Variants in ZNF215 observed in about 807,000 individuals in gnomAD.
ZNF215 encodes BWSCR2-associated zinc finger protein 2.
Under a neutral mutation model 27.2 loss-of-function variants are expected in ZNF215, and 24 were observed. That is an observed-to-expected ratio of 0.88 (90% CI 0.64 to 1.24). The LOEUF (loss-of-function observed/expected upper bound fraction) is 1.24, where lower values mean the gene tolerates loss of function less well. Among genes scored for constraint, ZNF215 ranks in the 50% most tolerant of loss-of-function variants. The pLI, the probability that ZNF215 is intolerant of heterozygous loss-of-function variation, is 0.00. For missense variants in ZNF215, 675 were observed against 605.7 expected, an observed-to-expected ratio of 1.11 and a Z score of -1.20; for synonymous variants, 210 against 204.0, an observed-to-expected ratio of 1.03 and a Z score of -0.25.
At position 6,973,257 on chromosome 11, in the gene ZNF215, T is replaced by C. The variant is rs1461415892; in HGVS notation, c.806-10872T>C. On this transcript the variant is annotated intron_variant, in intron 5 of 5. Transcript: ENST00000529903. ...TTTTTTATGGCTGCATAGTATTCCATGGTGTATATGTGCCACATTTTCTTA... is the reference window on the plus strand; with the variant it reads ...TTTTTTATGGCTGCATAGTATTCCACGGTGTATATGTGCCACATTTTCTTA... 2.0e-5 allele frequency among the ~76,000 whole-genome samples: 3 copies of C among 152,206 alleles called. No homozygotes were observed. In the South Asian group the frequency reaches 6.2e-4, roughly 31 times the overall value.
chr11:6,936,233 A>G (rs796828981), intron 3 of ZNF215, among the ~76,000 whole-genome samples: 4 of 152,188 alleles, frequency 2.6e-5, no homozygotes, highest in African/African-American at 7.2e-5. Context: ...AAAGATCAGC[A>G]AAACTGACAA....
rs559248811 is a variant in ZNF215 at position 6,926,471 on chromosome 11, G to C, written c.-540G>C. The C allele has an allele frequency of 1.3e-4, 20 of 152,508 alleles. No individual in the cohort carries two copies. The highest frequency in any genetic ancestry group is 7.8e-4 in the Admixed American group (12 of 15,310). The allele number at this position is 152,508 out of a possible 1,614,324, so 9.4% of individuals were successfully genotyped here. ...AAGGCCTGGTCTACCTCACCGATCCGGGTCGCGGGGGCTCCTAGGGGGTTC... is the reference window on the plus strand; with the variant it reads ...AAGGCCTGGTCTACCTCACCGATCCCGGTCGCGGGGGCTCCTAGGGGGTTC... On this transcript the variant is annotated 5_prime_UTR_variant, in exon 1 of 7. Coordinates refer to ENST00000278319, the MANE Select transcript of ZNF215 (RefSeq NM_013250.4).
intron 2 of ZNF215, 49 bp from the exon 3 acceptor site, chr11:6,932,045 A>G (rs1564942668): frequency 2.1e-6 from 1 of 469,128 alleles, no homozygotes; most frequent in Non-Finnish European, 3.7e-6. Context: ...TTTTAACACT[A>G]TGCTAATAGA....
intron 6 of ZNF215, among the ~76,000 whole-genome samples, chr11:6,952,744 A>T (rs1293138871): frequency 1.3e-5 from 2 of 152,102 alleles, no homozygotes; most frequent in African/African-American, 4.8e-5. Flanking sequence ...ATGTAAAGTT[A>T]ATATTGTTAT....
chr11:6,979,608 A>G (rs560756563), intron 5 of ZNF215, among the ~76,000 whole-genome samples: 171 of 152,158 alleles, frequency 1.1e-3, no homozygotes, highest in African/African-American at 3.8e-3. Flanking sequence ...ATAACATCCA[A>G]GTAGAAGAAG....
chr11:6,937,780 A>C (rs1240875669), intron 3 of ZNF215, among the ~76,000 whole-genome samples: 1 of 151,884 alleles, frequency 6.6e-6, no homozygotes, highest in African/African-American at 2.4e-5. Flanking sequence ...TATTGCTGGG[A>C]CCCCTTGATT....
chr11:6,984,203 G>A lies in ZNF215; in HGVS notation c.880G>A (p.Val294Ile), dbSNP rs564729488. The change falls in exon 6 of 6, where the codon GTT becomes ATT. Residue 294 changes from valine to isoleucine, a missense_variant. Coordinates refer to the ZNF215 transcript ENST00000529903. ...GGCTCACTGCAACCTCCACCTCTGGGTTCAAGTGATTCTCCTGCCTCAGCC... is the reference window on the plus strand; with the variant it reads ...GGCTCACTGCAACCTCCACCTCTGGATTCAAGTGATTCTCCTGCCTCAGCC... 115 of 327,432 alleles carry A rather than the reference G, an allele frequency of 3.5e-4. 2 individuals carry two copies. Among genetic ancestry groups the A allele is most frequent in the South Asian group, 2.6e-3 (114 of 43,122 alleles). 20.3% of individuals were successfully genotyped at this position (327,432 alleles called of 1,614,324 possible).
chr11:6,927,901 C>G (rs747562360), intron 2 of ZNF215, 94 bp downstream of exon 2: 1 of 152,058 alleles, frequency 6.6e-6, no homozygotes, highest in Non-Finnish European at 1.5e-5. Flanking sequence ...TTTAATGCAT[C>G]TCATTCTTGT....
chr11:6,965,385 G>T (rs1014255883), intron 5 of ZNF215, among the ~76,000 whole-genome samples: 1 of 152,066 alleles, frequency 6.6e-6, no homozygotes, highest in African/African-American at 2.4e-5. Context: ...GTGCTACATG[G>T]ACATCAATTT....
chr11:6,927,070 C>T (rs920351947), intron 1 of ZNF215, among the ~76,000 whole-genome samples: 2 of 152,116 alleles, frequency 1.3e-5, no homozygotes, highest in Admixed American at 1.3e-4. Context: ...AGTCTCCAGA[C>T]GCGCAGAGTG....
At chr11:6,951,607 A>T (rs1202564374) in intron 6 of ZNF215, among the ~76,000 whole-genome samples, 1 of 152,146 alleles carries the variant, frequency 6.6e-6, no homozygotes, top group African/African-American at 2.4e-5. Flanking sequence ...TATTGAGTCT[A>T]TCAGAGTCTT....
intron 5 of ZNF215, among the ~76,000 whole-genome samples, chr11:6,973,513 C>A (rs79165844): frequency 0.092 from 14,070 of 152,128 alleles, 705 homozygotes; most frequent in East Asian, 0.15. Context: ...AGTCCCACCA[C>A]CAGTGTAAAA....
chr11:6,981,266 C>A (rs1205494725), intron 5 of ZNF215, among the ~76,000 whole-genome samples: 5 of 148,262 alleles, frequency 3.4e-5, no homozygotes, highest in African/African-American at 1.2e-4. Flanking sequence ...TCCTCTCCAG[C>A]ACCTGTTGTT....
At chr11:6,988,475 G>A (rs957815118), downstream of ZNF215, 3 of 159,176 alleles carry the variant, frequency 1.9e-5, no homozygotes, top group Non-Finnish European at 4.0e-5. Context: ...AAGCCTTTTT[G>A]TGCAGCTTTC....
intron 3 of ZNF215, among the ~76,000 whole-genome samples, chr11:6,938,944 T>C (rs951778806): frequency 2.0e-5 from 3 of 152,102 alleles, no homozygotes; most frequent in African/African-American, 4.8e-5. Context: ...TAATAGAGAA[T>C]GAAGTGACTT....
At chr11:6,962,912 A>G (rs1404496508), downstream of ZNF215, among the ~76,000 whole-genome samples, 1 of 151,942 alleles carries the variant, frequency 6.6e-6, no homozygotes, top group Non-Finnish European at 1.5e-5. Flanking sequence ...ATCAGCTATC[A>G]CCTATATTTT....
chr11:6,956,254 A>G lies in ZNF215; in HGVS notation c.1277A>G (p.Gln426Arg). The G allele has an allele frequency of 6.2e-7, 1 of 1,613,922 alleles. No individual in the cohort carries two copies. The highest frequency in any genetic ancestry group is 1.3e-5 in the African/African-American group (1 of 75,046). Residue 426 changes from glutamine (Q) to arginine (R), a missense_variant, in exon 7 of 7, where the codon CAA becomes CGA. Transcript: ENST00000278319. ...CGACGTACAAACCTTACTAAGCATC[A>G]AAAACTTCATGCTGAAGCAAAGGCC... is the stretch of plus-strand genomic sequence containing the variant. ...FNRRTNLTKH[Q>R]KLHAEAKACT...
At chr11:6,928,467 C>A (rs1849138431) in intron 2 of ZNF215, among the ~76,000 whole-genome samples, 1 of 152,074 alleles carries the variant, frequency 6.6e-6, no homozygotes, top group African/African-American at 2.4e-5. Flanking sequence ...TTAGTTTCCT[C>A]TAATGTATTT....
downstream of ZNF215, among the ~76,000 whole-genome samples, chr11:6,959,929 A>G (rs1247967561): frequency 2.0e-5 from 3 of 152,248 alleles, no homozygotes; most frequent in East Asian, 5.8e-4. Context: ...TTCAAATTAG[A>G]GTGGAAACTA....
Sources: allele counts gnomAD v4.1 joint callset (sites outside exome capture counted in the v4.1 genomes callset), GRCh38; gene constraint gnomAD v4.1.1; transcripts MANE v1.5; gene names NCBI Gene and HGNC (gene_info 2026-07-23, HGNC 2026-07-21).